The following RPS6KC1 variants were observed in gnomAD, a reference collection of about 807,000 sequenced individuals.
The protein encoded by RPS6KC1 is ribosomal protein S6 kinase C1, also known as inactive ribosomal protein S6 kinase delta-1.
A neutral mutation model predicts 103.8 loss-of-function variants in RPS6KC1; 54 were observed. The observed-to-expected ratio is 0.52, with a 90% CI of 0.42 to 0.65. The LOEUF (loss-of-function observed/expected upper bound fraction) is 0.65. Ranked by LOEUF, RPS6KC1 falls within the 30% of genes least tolerant of loss-of-function variation. The pLI is 0.00. For synonymous variants in RPS6KC1, 439 were observed against 438.7 expected (o/e 1.00, Z -0.01); for missense variants, 1,151 against 1,253.8 (o/e 0.92, Z 1.24).
intron 1 of RPS6KC1, among the ~76,000 whole-genome samples, chr1:213,066,070 C>G (rs955513646): frequency 2.0e-5 from 3 of 152,138 alleles, no homozygotes; most frequent in Admixed American, 2.0e-4. Flanking sequence ...TGAAGTGATT[C>G]ATTAATATAA....
chr1:213,511,777 G>T, the RPS6KC1 span, among the ~76,000 whole-genome samples: 1 of 152,108 alleles, frequency 6.6e-6, no homozygotes, highest in Non-Finnish European at 1.5e-5. Context: ...CTCCAAGGAG[G>T]TGTCCCTTCA....
the RPS6KC1 span, among the ~76,000 whole-genome samples, chr1:213,651,786 A>C: frequency 3.3e-5 from 5 of 152,184 alleles, no homozygotes; most frequent in South Asian, 1.0e-3. Context: ...AAAAACATGG[A>C]ATTAGTAAGG....
At chr1:213,690,433 T>A in the RPS6KC1 span, among the ~76,000 whole-genome samples, 1 of 152,124 alleles carries the variant, frequency 6.6e-6, no homozygotes, top group Non-Finnish European at 1.5e-5. Flanking sequence ...CCAAACTGCA[T>A]CATTTCATTC....
At chr1:213,763,629 GA>G in the RPS6KC1 span, among the ~76,000 whole-genome samples, 1 of 152,190 alleles carries the variant, frequency 6.6e-6, no homozygotes, top group East Asian at 1.9e-4. Context: ...GAATTAAACA[GA>G]AGGATTAAAA....
chr1:213,150,795 T>A (rs1324981898), intron 6 of RPS6KC1, among the ~76,000 whole-genome samples: 1 of 152,226 alleles, frequency 6.6e-6, no homozygotes, highest in African/African-American at 2.4e-5. Flanking sequence ...AAGCCGCCAT[T>A]GTCATCCTGG....
In RPS6KC1 at chr1:213,242,180, C is replaced by T; in HGVS notation, c.2704C>T (p.Pro902Ser). The T allele has an allele frequency of 6.2e-7, 1 of 1,613,918 alleles. No individual in the cohort carries two copies. The highest frequency in any genetic ancestry group is 1.3e-5 in the African/African-American group (1 of 75,014). The part of the protein sequence containing the change: ...KLALASRFYI[P>S]EGCIQRWAAE... ...AGCACTAGCCTCCAGGTTTTACATC[C>T]CAGAGGGCTGCATTCAAAGATGGGC... The change falls in exon 11 of 15, where the codon CCA becomes TCA. Residue 902 changes from proline to serine, a missense_variant. This residue lies in a region of RPS6KC1 where 189 missense variants were observed against 228.8 expected (regional missense o/e 0.83). Transcript: ENST00000366960.
chr1:213,217,426 C>T (rs145369226), intron 8 of RPS6KC1, among the ~76,000 whole-genome samples: 1,652 of 152,198 alleles, frequency 0.011, 30 homozygotes, highest in African/African-American at 0.038. Context: ...GATTCACAGC[C>T]GAATTCTACC....
At chr1:213,692,388 CA>C in the RPS6KC1 span, among the ~76,000 whole-genome samples, 37,825 of 134,514 alleles carry the variant, frequency 0.28, 4,817 homozygotes, top group Middle Eastern at 0.47. Flanking sequence ...GACTCTGTCT[CA>C]AAAAAAAAAA....
chr1:213,697,450 T>C, the RPS6KC1 span, among the ~76,000 whole-genome samples: 1 of 152,256 alleles, frequency 6.6e-6, no homozygotes, highest in Admixed American at 6.5e-5. Flanking sequence ...AGTGGGTTAC[T>C]GAAGAGAGGA....
chr1:213,639,118 G>A, the RPS6KC1 span, among the ~76,000 whole-genome samples: 1 of 151,922 alleles, frequency 6.6e-6, no homozygotes, highest in South Asian at 2.1e-4. Context: ...ATTGTAAATG[G>A]TATGGTTTAA....
the RPS6KC1 span, among the ~76,000 whole-genome samples, chr1:213,554,821 C>T: frequency 6.6e-6 from 1 of 152,174 alleles, no homozygotes; most frequent in Non-Finnish European, 1.5e-5. Flanking sequence ...AGAACATACT[C>T]TAGAGTCTAT....
chr1:213,495,980 C>T, the RPS6KC1 span, among the ~76,000 whole-genome samples: 2 of 151,620 alleles, frequency 1.3e-5, no homozygotes, highest in Non-Finnish European at 2.9e-5. Flanking sequence ...GCATTAAAAA[C>T]CCTTCCTTGG....
At chr1:213,129,430 A>G in intron 5 of RPS6KC1, 97 bp from the exon 6 acceptor site, 1 of 1,335,790 alleles carries the variant, frequency 7.5e-7, no homozygotes. Flanking sequence ...TTCCAAATTG[A>G]CTTGGATAAT....
chr1:213,379,936 A>T, the RPS6KC1 span, among the ~76,000 whole-genome samples: 1 of 152,206 alleles, frequency 6.6e-6, no homozygotes. Context: ...AAAGACCTAA[A>T]GACAGAAATA....
intron 8 of RPS6KC1, among the ~76,000 whole-genome samples, chr1:213,224,289 A>G (rs1252949387): frequency 6.6e-6 from 1 of 152,214 alleles, no homozygotes; most frequent in Non-Finnish European, 1.5e-5. Flanking sequence ...TACTATTATG[A>G]CAGAAAAGTG....
chr1:213,316,109 G>A, the RPS6KC1 span, among the ~76,000 whole-genome samples: 4 of 152,122 alleles, frequency 2.6e-5, no homozygotes, highest in African/African-American at 9.7e-5. Flanking sequence ...GGGATCATGG[G>A]GGCAGTTTCC....
chr1:213,387,757 GGGACCTA>G, the RPS6KC1 span, among the ~76,000 whole-genome samples: 9 of 152,300 alleles, frequency 5.9e-5, no homozygotes, highest in Admixed American at 5.2e-4. Flanking sequence ...TAGAAATGGA[GGGACCTA>G]GGCAATTATC....
At chr1:213,752,045 A>G in the RPS6KC1 span, among the ~76,000 whole-genome samples, 1 of 152,234 alleles carries the variant, frequency 6.6e-6, no homozygotes, top group African/African-American at 2.4e-5. Context: ...CCTTTGGGTT[A>G]TTGTGAGTTT....
intron 12 of RPS6KC1, among the ~76,000 whole-genome samples, chr1:213,258,887 C>A (rs963876739): frequency 6.6e-6 from 1 of 152,152 alleles, no homozygotes; most frequent in East Asian, 1.9e-4. Flanking sequence ...GTATTTGAAT[C>A]TGGGAGGGGT....
Sources: gnomAD v4.1 joint callset for allele counts (sites outside exome capture counted in the v4.1 genomes callset) on GRCh38, gnomAD v4.1.1 for gene constraint, gnomAD v4.1.1 regional missense constraint, MANE v1.5 for transcripts, NCBI Gene and HGNC (gene_info 2026-07-23, HGNC 2026-07-21) for gene names.